The following SPHKAP variants were observed in gnomAD, a reference collection of about 807,000 sequenced individuals.
The protein encoded by SPHKAP is A-kinase anchor protein SPHKAP.
Under a neutral mutation model 137.5 loss-of-function variants are expected in SPHKAP, and 67 were observed. That is an observed-to-expected ratio of 0.49 (90% CI 0.40 to 0.60). The LOEUF is 0.60. SPHKAP is among the 20% of genes least tolerant of loss of function. The pLI is 0.00. For synonymous variants in SPHKAP, 813 were observed against 785.3 expected, an observed-to-expected ratio of 1.04 and a Z score of -0.59; for missense variants, 2,097 against 2,069.3, an observed-to-expected ratio of 1.01 and a Z score of -0.26.
chr2:228,091,579 C>T (rs1311931333), intron 3 of SPHKAP, among the ~76,000 whole-genome samples: 1 of 151,960 alleles, frequency 6.6e-6, no homozygotes, highest in African/African-American at 2.4e-5. Flanking sequence ...AAGAAAAAAG[C>T]AAACAATCCC....
At chr2:228,037,749 C>T (rs922255584) in intron 3 of SPHKAP, among the ~76,000 whole-genome samples, 30 of 152,156 alleles carry the variant, frequency 2.0e-4, no homozygotes, top group Non-Finnish European at 1.5e-5. Context: ...GAATATTTTA[C>T]AAAAACACAT....
intron 1 of SPHKAP, among the ~76,000 whole-genome samples, chr2:228,138,370 A>C (rs2106383014): frequency 6.6e-6 from 1 of 152,314 alleles, no homozygotes; most frequent in East Asian, 1.9e-4. Context: ...ACTTGCATAA[A>C]ATCTGTTTTA....
chr2:228,158,054 C>T (rs920012683), intron 1 of SPHKAP, among the ~76,000 whole-genome samples: 12 of 152,174 alleles, frequency 7.9e-5, no homozygotes, highest in Non-Finnish European at 1.6e-4. Context: ...TGGAAAAGGT[C>T]AAGAAGTGTG....
chr2:228,152,537 C>T (rs530397670), intron 1 of SPHKAP, among the ~76,000 whole-genome samples: 4 of 151,484 alleles, frequency 2.6e-5, no homozygotes, highest in Non-Finnish European at 4.4e-5. Flanking sequence ...TTTAAAAATC[C>T]GGTTGATAAT....
intron 11 of SPHKAP, among the ~76,000 whole-genome samples, chr2:227,986,327 C>A (rs761095150): frequency 6.6e-6 from 1 of 152,234 alleles, no homozygotes; most frequent in Non-Finnish European, 1.5e-5. Flanking sequence ...GAATGGAAAA[C>A]CTAACATCGT....
chr2:228,112,241 G>A (rs908439053), intron 2 of SPHKAP, among the ~76,000 whole-genome samples: 1 of 152,000 alleles, frequency 6.6e-6, no homozygotes, highest in African/African-American at 2.4e-5. Context: ...AGGTATCATC[G>A]CTTCTTGGCC....
At chr2:228,133,571 C>T (rs1355593595) in intron 1 of SPHKAP, among the ~76,000 whole-genome samples, 1 of 152,134 alleles carries the variant, frequency 6.6e-6, no homozygotes, top group African/African-American at 2.4e-5. Context: ...TTGTTGACCA[C>T]ATAGAACATG....
At chr2:227,982,451 G>T in intron 11 of SPHKAP, 2 of 775,834 alleles carry the variant, frequency 2.6e-6, no homozygotes, top group Non-Finnish European at 3.1e-6. Context: ...TGTCACCTGG[G>T]TATTGGTACC....
chr2:228,024,757 AAATT>A (rs1339490277), intron 5 of SPHKAP, among the ~76,000 whole-genome samples: 13 of 152,096 alleles, frequency 8.5e-5, no homozygotes, highest in Non-Finnish European at 1.3e-4. Flanking sequence ...TTTTTCTTGT[AAATT>A]AATTAATTAA....
At chr2:227,998,917 A>G (rs1693739177) in intron 7 of SPHKAP, among the ~76,000 whole-genome samples, 1 of 152,188 alleles carries the variant, frequency 6.6e-6, no homozygotes, top group South Asian at 2.1e-4. Flanking sequence ...GTCTGTTCCC[A>G]GGGAATACAA....
chr2:227,989,527 T>A (rs1442288069), intron 11 of SPHKAP, among the ~76,000 whole-genome samples: 1 of 152,180 alleles, frequency 6.6e-6, no homozygotes, highest in African/African-American at 2.4e-5. Context: ...ATGCCCTTAT[T>A]ACGCTACCTT....
intron 5 of SPHKAP, among the ~76,000 whole-genome samples, chr2:228,022,637 C>T (rs58448016): frequency 0.17 from 25,286 of 152,026 alleles, 2,324 homozygotes; most frequent in East Asian, 0.39. Context: ...GGATTTACAT[C>T]TCAAAAAGGC....
At chr2:228,074,754 A>C (rs993291423) in intron 3 of SPHKAP, among the ~76,000 whole-genome samples, 1 of 151,892 alleles carries the variant, frequency 6.6e-6, no homozygotes, top group South Asian at 2.1e-4. Flanking sequence ...CTGCTTTTCT[A>C]TTCTCCTTCC....
rs1037644292 is a variant in SPHKAP at position 228,095,645 on chromosome 2, A to T, written c.246+13187T>A. ...GAGAGAAGAGATAGTATACTTTTTA[A>T]TTTTTTTTTAATTTGGTAGTAAAAG... On this transcript the variant is annotated intron_variant, in intron 3 of 11. Transcript: ENST00000392056. Among the ~76,000 whole-genome samples, 13 of 151,862 alleles carry T rather than the reference A, an allele frequency of 8.6e-5. No individual in the cohort carries two copies. In the East Asian group the frequency reaches 1.5e-3, roughly 18 times the overall value.
Position 228,131,789 on chromosome 2 carries a change from C to T in SPHKAP, c.138+191G>A, listed in dbSNP as rs1049800905. ...AGTGGAGGCTTATGATTTTCTATGC[C>T]TGAATTTTCTCATCATTTCCATGAA... On this transcript the variant is annotated intron_variant, in intron 2 of 11. Transcript: ENST00000392056. 8.1e-6 allele frequency: 8 copies of T among 984,414 alleles called. No homozygotes were observed. The African/African-American group carries it at 1.4e-4, about 17-fold the overall frequency. 61.0% of individuals were successfully genotyped at this position (984,414 alleles called of 1,614,324 possible).
intron 7 of SPHKAP, among the ~76,000 whole-genome samples, chr2:227,997,574 C>T (rs1299424950): frequency 6.6e-6 from 1 of 152,086 alleles, no homozygotes; most frequent in Non-Finnish European, 1.5e-5. Flanking sequence ...TAATAACATG[C>T]TTTTGTTAAG....
intron 7 of SPHKAP, among the ~76,000 whole-genome samples, chr2:227,999,603 C>G (rs1162758553): frequency 6.6e-6 from 1 of 152,196 alleles, no homozygotes; most frequent in Admixed American, 6.6e-5. Flanking sequence ...CAGTGATTGA[C>G]ATCCAACATC....
intron 2 of SPHKAP, among the ~76,000 whole-genome samples, chr2:228,116,154 C>G (rs1233033074): frequency 6.6e-6 from 1 of 152,116 alleles, no homozygotes; most frequent in African/African-American, 2.4e-5. Flanking sequence ...CTCTGACAAA[C>G]TAAAACAGAG....
chr2:228,022,205 A>G, intron 5 of SPHKAP: 1 of 985,438 alleles, frequency 1.0e-6, no homozygotes, highest in Non-Finnish European at 1.2e-6. Flanking sequence ...TGTATCACAT[A>G]TTTTAATTTC....
Sources: gnomAD v4.1 joint callset for allele counts (sites outside exome capture counted in the v4.1 genomes callset) on GRCh38, gnomAD v4.1.1 for gene constraint, MANE v1.5 for transcripts, NCBI Gene and HGNC (gene_info 2026-07-23, HGNC 2026-07-21) for gene names.